The following GRK5 variants were observed in gnomAD, a reference collection of about 807,000 sequenced individuals.
GRK5 encodes g protein-coupled receptor kinase GRK5.
In GRK5, 40 loss-of-function variants were observed where a neutral mutation model predicts 78.4. The observed-to-expected ratio is 0.51, with a 90% CI of 0.40 to 0.66. GRK5 has a LOEUF of 0.66. Ranked by LOEUF, GRK5 falls within the 30% of genes least tolerant of loss-of-function variation. GRK5 has a pLI of 0.00. For missense variants in GRK5, 598 were observed against 759.9 expected (o/e 0.79, Z 2.50); for synonymous variants, 289 against 296.8 (o/e 0.97, Z 0.27).
At chr10:119,311,185 C>T (rs11818150) in intron 1 of GRK5, among the ~76,000 whole-genome samples, 12,894 of 152,210 alleles carry the variant, frequency 0.085, 1,478 homozygotes, top group African/African-American at 0.26. Flanking sequence ...GGTCCTGCCT[C>T]GCCCATCTGT....
chr10:119,373,897 C>T (rs1851585787), intron 2 of GRK5, among the ~76,000 whole-genome samples: 1 of 152,154 alleles, frequency 6.6e-6, no homozygotes, highest in Non-Finnish European at 1.5e-5. Flanking sequence ...TCTGCGGAGG[C>T]TTTCACTACA....
In GRK5 at chr10:119,333,594, T is replaced by TTGCTGCA. The variant is rs565244450; in HGVS notation, c.148+6985_148+6991dup. The TTGCTGCA allele has an allele frequency of 1.7e-4, 61 of 365,074 alleles. 1 individual carries two copies. The highest frequency in any genetic ancestry group is 3.1e-4 in the Non-Finnish European group (57 of 184,186). The allele number at this position is 365,074 out of a possible 1,614,324, so 22.6% of individuals were successfully genotyped here. On this transcript the variant is annotated intron_variant, in intron 2 of 15. Coordinates refer to ENST00000392870, the MANE Select transcript of GRK5 (RefSeq NM_005308.3). The stretch of plus-strand genomic sequence containing the variant: ...CACCTTGCAACTCCCCATGAGCATA[T>TTGCTGCA]TGCTGCATAAACGTGTGGGCAGGGC...
chr10:119,260,772 C>T (rs1454909384), intron 1 of GRK5, among the ~76,000 whole-genome samples: 2 of 150,822 alleles, frequency 1.3e-5, no homozygotes, highest in African/African-American at 4.8e-5. Context: ...TTTCTTAGTA[C>T]AGAACAAAAT....
intron 1 of GRK5, among the ~76,000 whole-genome samples, chr10:119,278,604 C>T (rs562382262): frequency 1.1e-4 from 17 of 152,238 alleles, no homozygotes; most frequent in African/African-American, 1.2e-4. Flanking sequence ...GATCTGAGCA[C>T]GTCTCTTTCC....
chr10:119,307,755 AC>A (rs1850295885), intron 1 of GRK5, among the ~76,000 whole-genome samples: 1 of 98,092 alleles, frequency 1.0e-5, no homozygotes, highest in Non-Finnish European at 2.5e-5. Flanking sequence ...GCCATGCTCT[AC>A]TCTGGTCTCC....
intron 8 of GRK5, among the ~76,000 whole-genome samples, chr10:119,433,471 G>A (rs771237389): frequency 8.6e-5 from 13 of 151,992 alleles, no homozygotes; most frequent in African/African-American, 9.7e-5. Context: ...CCCCATCCAC[G>A]GCCCCGGCAG....
intron 6 of GRK5, among the ~76,000 whole-genome samples, chr10:119,426,545 G>T (rs761155384): frequency 1.3e-5 from 2 of 152,212 alleles, no homozygotes; most frequent in African/African-American, 4.8e-5. Flanking sequence ...TGCCTGCATT[G>T]TGGGCTTGGG....
chr10:119,371,362 C>T (rs1851543868), intron 2 of GRK5, among the ~76,000 whole-genome samples: 1 of 152,256 alleles, frequency 6.6e-6, no homozygotes, highest in African/African-American at 2.4e-5. Flanking sequence ...ACTCTGGTTG[C>T]CCTCCAAGAG....
At chr10:119,314,955 C>T (rs184636087) in intron 1 of GRK5, among the ~76,000 whole-genome samples, 1 of 152,232 alleles carries the variant, frequency 6.6e-6, no homozygotes, top group African/African-American at 2.4e-5. Flanking sequence ...GCCATAGAGA[C>T]AGAACGAGAC....
rs560431645 is a variant in GRK5 at position 119,249,752 on chromosome 10, C to T, written c.52+41783C>T. Among the ~76,000 whole-genome samples the T allele has an allele frequency of 6.6e-5, 10 of 152,316 alleles. No homozygotes were observed. The South Asian group carries it at 1.0e-3, about 16-fold the overall frequency. The stretch of plus-strand genomic sequence containing the variant: ...CTGACCTCAGGTGATCTGCCTACCT[C>T]GGCCTCCCAAAATGCTGGGATTATA... On this transcript the variant is annotated intron_variant, in intron 1 of 15. Coordinates refer to ENST00000392870, the MANE Select transcript of GRK5 (RefSeq NM_005308.3).
intron 1 of GRK5, chr10:119,211,758 T>C (rs1289914128): frequency 6.6e-6 from 1 of 152,344 alleles, no homozygotes; most frequent in South Asian, 2.1e-4. Flanking sequence ...TCATCAAGAT[T>C]AGCACCTCGG....
In GRK5 at chr10:119,452,391, G is replaced by A. The variant is rs367855193; in HGVS notation, c.1405-280G>A. The stretch of plus-strand genomic sequence containing the variant: ...TCACCCCAGCCAGGGTCCCCGTCAT[G>A]GATCTGAGAGAGGGCTGCACTGTCA... On this transcript the variant is annotated intron_variant, in intron 13 of 15. Coordinates refer to ENST00000392870, the MANE Select transcript of GRK5 (RefSeq NM_005308.3). The surrounding 1 kb of genome is among the most constrained non-coding windows in gnomAD (Gnocchi z 4.4). The A allele has an allele frequency of 5.0e-6, 2 of 401,012 alleles. No individual in the cohort carries two copies. The highest frequency in any genetic ancestry group is 2.0e-5 in the African/African-American group (1 of 49,708). The allele number at this position is 401,012 out of a possible 1,614,324, so 24.8% of individuals were successfully genotyped here.
chr10:119,360,725 T>C (rs1373044163), intron 2 of GRK5, among the ~76,000 whole-genome samples: 6 of 152,158 alleles, frequency 3.9e-5, no homozygotes, highest in Admixed American at 6.5e-5. Flanking sequence ...TAGGAGAAGA[T>C]GGTCTGTCCG....
chr10:119,211,561 A>C (rs1589680760), intron 1 of GRK5: 2 of 152,236 alleles, frequency 1.3e-5, no homozygotes, highest in South Asian at 4.1e-4. Context: ...ACAGGCCAGC[A>C]GTAGCCATAT....
At chr10:119,403,957 A>C (rs1018614876) in intron 4 of GRK5, among the ~76,000 whole-genome samples, 1 of 152,086 alleles carries the variant, frequency 6.6e-6, no homozygotes, top group South Asian at 2.1e-4. Context: ...TTGTTTCTAC[A>C]TTTTTGCTCT....
intron 1 of GRK5, among the ~76,000 whole-genome samples, chr10:119,259,310 C>T (rs951833535): frequency 8.6e-5 from 13 of 151,878 alleles, no homozygotes; most frequent in Admixed American, 3.3e-4. Context: ...ATGATCCTCC[C>T]GCCTCAGCCT....
rs1852829169 is a variant in GRK5, at chr10:119,431,943, C to T, written c.738+416C>T. Among the ~76,000 whole-genome samples the T allele has an allele frequency of 6.6e-6, 1 of 152,236 alleles. No homozygotes were observed. Among genetic ancestry groups the T allele is most frequent in the African/African-American group, 2.4e-5 (1 of 41,454 alleles). ...GGAATGGCACTATCAAGTCTGTGTG[C>T]ATTGTGTTAGTCAGTCTAGGCTGGG... On this transcript the variant is annotated intron_variant, in intron 8 of 15. Coordinates refer to ENST00000392870, the MANE Select transcript of GRK5 (RefSeq NM_005308.3). This position sits in a 1 kb window ranked among gnomAD's most constrained non-coding sequence, Gnocchi z 4.8.
At chr10:119,261,770 G>A (rs1216336846) in intron 1 of GRK5, among the ~76,000 whole-genome samples, 1 of 152,036 alleles carries the variant, frequency 6.6e-6, no homozygotes, top group Non-Finnish European at 1.5e-5. Context: ...GTGGCGGCGC[G>A]CGCCTGCAAT....
chr10:119,342,447 G>T (rs559605364), intron 2 of GRK5, among the ~76,000 whole-genome samples: 2 of 152,312 alleles, frequency 1.3e-5, no homozygotes, highest in East Asian at 3.9e-4. Flanking sequence ...CTGCAAAATG[G>T]GAACTGGAGT....
Sources: gnomAD v4.1 joint callset for allele counts (sites outside exome capture counted in the v4.1 genomes callset) on GRCh38, gnomAD v4.1.1 for gene constraint, Gnocchi (gnomAD v3.1) non-coding constraint, MANE v1.5 for transcripts, NCBI Gene and HGNC (gene_info 2026-07-23, HGNC 2026-07-21) for gene names.